The following DUSP29 variants were observed in gnomAD, a reference collection of about 807,000 sequenced individuals.
The protein encoded by DUSP29 is atypical dual-specific protein phosphatase.
Under a neutral mutation model 13.5 loss-of-function variants are expected in DUSP29, and 12 were observed. That is an observed-to-expected ratio of 0.89 (90% CI 0.57 to 1.44). DUSP29 has a LOEUF of 1.44. Among genes scored for constraint, DUSP29 ranks in the 40% most tolerant of loss-of-function variants. The pLI is 0.00. For synonymous variants in DUSP29, 134 were observed against 128.7 expected (o/e 1.04, Z -0.28); for missense variants, 308 against 301.1 (o/e 1.02, Z -0.17).
At chr10:75,073,234 C>T (rs759799782) in intron 1 of DUSP29, among the ~76,000 whole-genome samples, 4 of 152,056 alleles carry the variant, frequency 2.6e-5, no homozygotes, top group Non-Finnish European at 4.4e-5. Context: ...CCTTTACTGG[C>T]TAAATGGACA....
At chr10:75,045,952 T>C (rs1335626682) in intron 2 of DUSP29, among the ~76,000 whole-genome samples, 1 of 151,322 alleles carries the variant, frequency 6.6e-6, no homozygotes, top group Non-Finnish European at 1.5e-5. Context: ...CTCTACAAGA[T>C]ATAAGGGAAA....
At chr10:75,067,851 C>T (rs780959149) in intron 1 of DUSP29, among the ~76,000 whole-genome samples, 2 of 151,994 alleles carry the variant, frequency 1.3e-5, no homozygotes, top group South Asian at 2.1e-4. Flanking sequence ...CTCACTCTGT[C>T]GCCCAGGCTG....
At chr10:75,051,961 A>G (rs1278264653) in intron 2 of DUSP29, among the ~76,000 whole-genome samples, 1 of 152,204 alleles carries the variant, frequency 6.6e-6, no homozygotes, top group East Asian at 1.9e-4. Flanking sequence ...AGCACACACC[A>G]TGCTGACTTG....
rs532977208 is a variant in DUSP29 at position 75,037,701 on chromosome 10, T to C, written c.*135A>G. The C allele has an allele frequency of 9.0e-6, 13 of 1,437,490 alleles. No individual in the cohort carries two copies. The Admixed American group carries it at 1.3e-4, about 15-fold the overall frequency. The allele number at this position is 1,437,490 out of a possible 1,614,324, so 89.0% of individuals were successfully genotyped here. A position where few individuals can be genotyped will look rare whatever the true frequency, so the allele number is the denominator to read the frequency against. On this transcript the variant is annotated 3_prime_UTR_variant, in exon 4 of 4. Transcript: ENST00000338487. ...GGGTCCTCCCTGTCCCCAGCACACA[T>C]GGGGAAGTTGAACAAGATGGTTTGG...
chr10:75,063,204 G>A (rs371575015), intron 1 of DUSP29, among the ~76,000 whole-genome samples: 1 of 152,288 alleles, frequency 6.6e-6, no homozygotes, highest in South Asian at 2.1e-4. Flanking sequence ...TGCAAGCCCA[G>A]ATTTTCTGGT....
Position 75,071,770 on chromosome 10 carries a change from C to T in DUSP29, c.-35+1799G>A, listed in dbSNP as rs192277905. The stretch of plus-strand genomic sequence containing the variant: ...AGGTGAGGACAGGCACTCCTGCCTT[C>T]GCACCCAAATGTTATATTTTCCAAG... On this transcript the variant is annotated intron_variant, in intron 1 of 3. Transcript: ENST00000338487. 2.1e-3 allele frequency among the ~76,000 whole-genome samples: 316 copies of T among 152,278 alleles called. 2 individuals are homozygous for T. Among genetic ancestry groups the T allele is most frequent in the African/African-American group, 7.2e-3 (299 of 41,550 alleles).
At chr10:75,069,775 T>C (rs1368751552) in intron 1 of DUSP29, among the ~76,000 whole-genome samples, 1 of 151,972 alleles carries the variant, frequency 6.6e-6, no homozygotes, top group Non-Finnish European at 1.5e-5. Context: ...GGCACGGTGG[T>C]TCACACCTGT....
intron 3 of DUSP29, among the ~76,000 whole-genome samples, chr10:75,041,306 G>A (rs1163775887): frequency 6.6e-6 from 1 of 152,148 alleles, no homozygotes; most frequent in Admixed American, 6.5e-5. Context: ...ATGGCCATTG[G>A]GTTGCTTTAG....
At chr10:75,057,866 G>A (rs1204890269) in intron 2 of DUSP29, among the ~76,000 whole-genome samples, 1 of 152,178 alleles carries the variant, frequency 6.6e-6, no homozygotes, top group Non-Finnish European at 1.5e-5. Context: ...TTGCAGCTAG[G>A]GGCAGGGGAA....
intron 2 of DUSP29, among the ~76,000 whole-genome samples, chr10:75,050,471 A>C (rs1846802488): frequency 6.6e-6 from 1 of 152,266 alleles, no homozygotes; most frequent in African/African-American, 2.4e-5. Context: ...TGTGTGCTTG[A>C]AACTAATAAA....
chr10:75,070,669 C>T (rs116424822), intron 1 of DUSP29, among the ~76,000 whole-genome samples: 2 of 151,774 alleles, frequency 1.3e-5, no homozygotes, highest in East Asian at 1.9e-4. Context: ...TTGGCCGGGG[C>T]GGAGGTCTTG....
chr10:75,055,383 A>C (rs1188310922), intron 2 of DUSP29, among the ~76,000 whole-genome samples: 1 of 152,238 alleles, frequency 6.6e-6, no homozygotes, highest in African/African-American at 2.4e-5. Context: ...GACTTACAGA[A>C]ACGTGCAAAT....
At chr10:75,054,846 CTT>C (rs562938445) in intron 2 of DUSP29, among the ~76,000 whole-genome samples, 1 of 147,620 alleles carries the variant, frequency 6.8e-6, no homozygotes. Flanking sequence ...GCATATGTTA[CTT>C]TTTTTTTTTG....
At chr10:75,062,733 A>G (rs1847118191) in intron 1 of DUSP29, among the ~76,000 whole-genome samples, 1 of 152,160 alleles carries the variant, frequency 6.6e-6, no homozygotes, top group Non-Finnish European at 1.5e-5. Context: ...TTCCCAGATC[A>G]CAGCCAACAT....
At chr10:75,049,693 G>A (rs568621122) in intron 2 of DUSP29, among the ~76,000 whole-genome samples, 2 of 152,350 alleles carry the variant, frequency 1.3e-5, no homozygotes, top group South Asian at 2.1e-4. Context: ...AATTTCATTC[G>A]TGCTCGGTGC....
intron 3 of DUSP29, among the ~76,000 whole-genome samples, chr10:75,040,052 G>A (rs544171163): frequency 1.3e-5 from 2 of 152,044 alleles, no homozygotes; most frequent in Non-Finnish European, 2.9e-5. Flanking sequence ...GTGGTGGTGG[G>A]CACCTCCCAG....
At chr10:75,050,363 TATCTC>T (rs1260999315) in intron 2 of DUSP29, among the ~76,000 whole-genome samples, 1 of 152,234 alleles carries the variant, frequency 6.6e-6, no homozygotes, top group Non-Finnish European at 1.5e-5. Flanking sequence ...GAATTATTCT[TATCTC>T]ATCATTGACG....
At chr10:75,066,696 G>A (rs902541065) in intron 1 of DUSP29, among the ~76,000 whole-genome samples, 1 of 152,172 alleles carries the variant, frequency 6.6e-6, no homozygotes. Flanking sequence ...CAAAACCCCC[G>A]GGCCGAGGCA....
intron 1 of DUSP29, 36 bp from the exon 2 acceptor site, chr10:75,058,584 G>A (rs1418440885): frequency 1.3e-6 from 2 of 1,552,220 alleles, no homozygotes; most frequent in African/African-American, 1.4e-5. Context: ...GGGGTTAGCA[G>A]GGGACACTGA....
Sources: gnomAD v4.1 joint callset for allele counts (sites outside exome capture counted in the v4.1 genomes callset) on GRCh38, gnomAD v4.1.1 for gene constraint, MANE v1.5 for transcripts, NCBI Gene and HGNC (gene_info 2026-07-23, HGNC 2026-07-21) for gene names.